Variants in A2ML1 observed in about 807,000 individuals in gnomAD.
A2ML1 encodes alpha-2-macroglobulin like 1.
A neutral mutation model predicts 181.9 loss-of-function variants in A2ML1; 161 were observed. The observed-to-expected ratio is 0.89, with a 90% CI of 0.78 to 1.01. A2ML1 has a LOEUF of 1.01. Ranked by LOEUF, A2ML1 falls within the 50% of genes least tolerant of loss-of-function variation. The probability of loss-of-function intolerance (pLI) is 0.00; values close to 1 mark genes in which losing one functional copy is unlikely to be tolerated. For missense variants in A2ML1, 1,670 were observed against 1,768.1 expected, an observed-to-expected ratio of 0.94 and a Z score of 1.00; for synonymous variants, 663 against 666.8, an observed-to-expected ratio of 0.99 and a Z score of 0.09.
At chr12:8,860,591 C>T (rs894416824) in intron 26 of A2ML1, among the ~76,000 whole-genome samples, 2 of 151,926 alleles carry the variant, frequency 1.3e-5, no homozygotes, top group Admixed American at 6.6e-5. Flanking sequence ...AAGCTCTTAC[C>T]CTTCCTAACT....
At chr12:8,855,731 A>G (rs1944043161) in intron 23 of A2ML1, 139 bp downstream of exon 23, 1 of 734,732 alleles carries the variant, frequency 1.4e-6, no homozygotes, top group Non-Finnish European at 2.2e-6. Flanking sequence ...CGTATTTTAT[A>G]TAGGAGGGAA....
chr12:8,858,663 G>A (rs1261046504), intron 26 of A2ML1, among the ~76,000 whole-genome samples: 1 of 152,128 alleles, frequency 6.6e-6, no homozygotes, highest in Non-Finnish European at 1.5e-5. Flanking sequence ...GCATCACATG[G>A]GAACTTGTTG....
At chr12:8,836,767 G>A (rs1943294000) in intron 7 of A2ML1, among the ~76,000 whole-genome samples, 1 of 152,076 alleles carries the variant, frequency 6.6e-6, no homozygotes, top group South Asian at 2.1e-4. Flanking sequence ...ACAGACGTGA[G>A]CCACCGCGCC....
chr12:8,848,301 T>G (rs183344753), intron 15 of A2ML1, among the ~76,000 whole-genome samples: 1 of 151,720 alleles, frequency 6.6e-6, no homozygotes. Context: ...ACCAACATGG[T>G]GAAACCCTGT....
chr12:8,838,401 G>T lies in A2ML1; in HGVS notation c.921G>T (p.Ala307=). ...CCACCTTTGACCTCATTGGATATGC[G>T]TACAGCCATCAAATCAATATTGTGG... ...DMATFDLIGY[A]YSHQINIVAT... Residue 307 remains alanine (A), a synonymous_variant, in exon 9 of 36, where the codon GCG becomes GCT. Transcript: ENST00000299698. 2 of 1,613,900 alleles carry T rather than the reference G, an allele frequency of 1.2e-6. No individual in the cohort carries two copies. The highest frequency in any genetic ancestry group is 1.7e-6 in the Non-Finnish European group (2 of 1,179,902).
At chr12:8,887,243 A>G (rs1000093436), downstream of A2ML1, among the ~76,000 whole-genome samples, 3 of 152,182 alleles carry the variant, frequency 2.0e-5, no homozygotes, top group Admixed American at 1.3e-4. Context: ...AATTAAAAGA[A>G]ATTAAATTTA....
In A2ML1 at chr12:8,861,160, G is replaced by A. The variant is rs768815994; in HGVS notation, c.3365G>A (p.Arg1122Gln). 5 of 1,614,048 alleles carry A rather than the reference G, an allele frequency of 3.1e-6. No individual in the cohort carries two copies. The highest frequency in any genetic ancestry group is 1.7e-5 in the Admixed American group (1 of 60,018). Residue 1122 changes from arginine (R) to glutamine (Q), a missense_variant, in exon 28 of 36, where the codon CGG becomes CAG. Physicochemically the swap from Arg to Gln is conservative, Grantham distance 43. Transcript: ENST00000299698. The stretch of plus-strand genomic sequence containing the variant: ...GACCCAATGGTGAGTCAGGGTCTAC[G>A]GTGTCTCAAGAATTCGGCCACCTCC... Reference protein sequence around the residue: ...VDDPMVSQGLRCLKNSATSTT... With the variant: ...VDDPMVSQGLQCLKNSATSTT...
intron 11 of A2ML1, 23 bp downstream of exon 11, chr12:8,841,559 C>T (rs1432610313): frequency 6.3e-7 from 1 of 1,588,332 alleles, no homozygotes; most frequent in East Asian, 2.3e-5. Context: ...GGAGGACCAG[C>T]TTCCTAGAAA....
At chr12:8,871,890 T>G (rs931471580) in intron 33 of A2ML1, among the ~76,000 whole-genome samples, 5 of 152,018 alleles carry the variant, frequency 3.3e-5, no homozygotes, top group Admixed American at 2.0e-4. Flanking sequence ...ATATTAAAAC[T>G]GCTACCTGGC....
intron 4 of A2ML1, among the ~76,000 whole-genome samples, chr12:8,832,979 C>T (rs907600293): frequency 7.2e-6 from 1 of 138,680 alleles, no homozygotes; most frequent in African/African-American, 2.7e-5. Flanking sequence ...TGCTACTTTC[C>T]TTTTTTTTTT....
Position 8,837,564 on chromosome 12 carries a change from C to T in A2ML1, c.853C>T (p.Gln285Ter). The change falls in exon 8 of 36, where the codon CAG (glutamine) becomes TAG (stop). Residue 285 changes from glutamine (Q) to a stop codon, truncating the protein, a stop_gained and splice_region_variant. Coordinates refer to ENST00000299698, the MANE Select transcript of A2ML1 (RefSeq NM_144670.6). LOFTEE classifies it high-confidence loss of function. ...LPDKCRNLSG[Q>*]TDKTGCFSAP... is the part of the protein sequence containing the mutation. ...TGACAAATGCAGGAACCTCTCTGGACAGGTGAGTAAATGACAGGTTAAAAA... is the reference window on the plus strand; with the variant it reads ...TGACAAATGCAGGAACCTCTCTGGATAGGTGAGTAAATGACAGGTTAAAAA... 1 of 1,612,628 alleles carries T rather than the reference C, an allele frequency of 6.2e-7. No individual in the cohort carries two copies. The highest frequency in any genetic ancestry group is 8.5e-7 in the Non-Finnish European group (1 of 1,179,142).
intron 1 of A2ML1, 70 bp from the exon 2 acceptor site, chr12:8,823,112 T>G: frequency 1.3e-6 from 2 of 1,483,516 alleles, no homozygotes; most frequent in Non-Finnish European, 1.8e-6. Flanking sequence ...TGCTGAGCGC[T>G]TAGGAGAGTG....
At chr12:8,884,224 ATTTTTTGTTT>A (rs1435156799) in intron 7 of A2ML1, among the ~76,000 whole-genome samples, 1 of 93,732 alleles carries the variant, frequency 1.1e-5, no homozygotes, top group Non-Finnish European at 2.3e-5. Flanking sequence ...TCTTTTTTTT[ATTTTTTGTTT>A]TTTTTTGTTT....
intron 2 of A2ML1, 57 bp from the exon 3 acceptor site, chr12:8,823,663 G>A: frequency 6.4e-7 from 1 of 1,572,112 alleles, no homozygotes; most frequent in Non-Finnish European, 8.6e-7. Flanking sequence ...GTTGAGACCA[G>A]TTGATTCTGT....
intron 33 of A2ML1, 109 bp from the exon 34 acceptor site, chr12:8,874,311 TGGCGG>T: frequency 1.3e-6 from 1 of 781,596 alleles, no homozygotes; most frequent in African/African-American, 1.7e-5. Context: ...CCACCGTGCC[TGGCGG>T]GGCTTCAGAA....
chr12:8,834,413 T>C (rs896787615), intron 4 of A2ML1, among the ~76,000 whole-genome samples: 1 of 152,190 alleles, frequency 6.6e-6, no homozygotes, highest in African/African-American at 2.4e-5. Context: ...TTCAAATCTT[T>C]TGGAGACTGG....
chr12:8,883,837 G>A (rs896361746), intron 7 of A2ML1, among the ~76,000 whole-genome samples: 6 of 150,678 alleles, frequency 4.0e-5, no homozygotes, highest in African/African-American at 1.5e-4. Context: ...CCAGGCTGGA[G>A]TGCAGTGGCA....
chr12:8,866,391 T>G (rs1331990283), intron 29 of A2ML1, among the ~76,000 whole-genome samples: 1 of 150,876 alleles, frequency 6.6e-6, no homozygotes, highest in Non-Finnish European at 1.5e-5. Flanking sequence ...TATGGTACTA[T>G]GCCTCCCTGT....
chr12:8,857,117 CCTT>C (rs1216336216), intron 23 of A2ML1, 44 bp from the exon 24 acceptor site: 5 of 1,560,076 alleles, frequency 3.2e-6, no homozygotes, highest in South Asian at 1.1e-5. Flanking sequence ...TTAGAGGGTC[CCTT>C]CTTCTCTGTA....
Sources: gnomAD v4.1 joint callset for allele counts (sites outside exome capture counted in the v4.1 genomes callset) on GRCh38, gnomAD v4.1.1 for gene constraint, MANE v1.5 for transcripts, NCBI Gene and HGNC (gene_info 2026-07-23, HGNC 2026-07-21) for gene names.